Variants in PCDH15 observed in about 807,000 individuals in gnomAD.
PCDH15 encodes protocadherin related 15, also known as protocadherin-15.
PCDH15 carries 129 observed loss-of-function variants against 178.5 expected under a neutral mutation model. The ratio of observed to expected loss-of-function variants is 0.72; its 90% CI spans 0.63 to 0.84. The LOEUF is 0.84. Among genes scored for constraint, PCDH15 ranks in the 40% least tolerant of loss-of-function variants. PCDH15 has a pLI of 0.00. For synonymous variants in PCDH15, 800 were observed against 732.0 expected (o/e 1.09, Z -1.50); for missense variants, 2,230 against 2,099.9 (o/e 1.06, Z -1.21).
In PCDH15 at chr10:55,172,856, T is replaced by C. The variant is rs147996118; in HGVS notation, c.-155-6205A>G. On this transcript the variant is annotated intron_variant, in intron 1 of 5. Transcript: ENST00000458638. ...TGTATTTCTTTTAGATTGTCTCTGCTTGAGAAAGCTGTTATTAGAAAAAGG... is the reference window on the plus strand; with the variant it reads ...TGTATTTCTTTTAGATTGTCTCTGCCTGAGAAAGCTGTTATTAGAAAAAGG... Among the ~76,000 whole-genome samples the C allele has an allele frequency of 1.6e-4, 24 of 152,092 alleles. No homozygotes were observed. The East Asian group carries it at 3.9e-3, about 25-fold the overall frequency.
chr10:55,187,477 G>A (rs556742838), intron 1 of PCDH15, among the ~76,000 whole-genome samples: 3 of 152,018 alleles, frequency 2.0e-5, no homozygotes, highest in South Asian at 2.1e-4. Flanking sequence ...AAGGACCATC[G>A]TGTGTGAAAG....
upstream of PCDH15, among the ~76,000 whole-genome samples, chr10:55,322,237 T>C (rs1843919845): frequency 6.6e-6 from 1 of 152,182 alleles, no homozygotes; most frequent in Admixed American, 6.5e-5. Context: ...GCCTTTGCTT[T>C]TCTTTTGCCT....
chr10:54,056,900 G>A (rs2093903135), intron 18 of PCDH15, among the ~76,000 whole-genome samples: 1 of 152,098 alleles, frequency 6.6e-6, no homozygotes, highest in Non-Finnish European at 1.5e-5. Flanking sequence ...TTCCAAATGA[G>A]AGAAATTGGC....
At chr10:53,961,680 T>C (rs1312372123) in intron 22 of PCDH15, 72 bp downstream of exon 22, 3 of 1,150,652 alleles carry the variant, frequency 2.6e-6, no homozygotes, top group Non-Finnish European at 3.5e-6. Flanking sequence ...AAATGTGCTG[T>C]CATCTGTTAA....
At chr10:54,365,027 C>T (rs1290480425) in intron 5 of PCDH15, among the ~76,000 whole-genome samples, 3 of 152,090 alleles carry the variant, frequency 2.0e-5, no homozygotes, top group Non-Finnish European at 2.9e-5. Context: ...TCCAGTTCCT[C>T]TTCCCTTGCC....
chr10:54,107,887 G>A (rs985546033), intron 15 of PCDH15, among the ~76,000 whole-genome samples: 16 of 152,160 alleles, frequency 1.1e-4, no homozygotes, highest in African/African-American at 3.9e-4. Flanking sequence ...TGGAATGGGA[G>A]GTCAGAACCC....
At chr10:55,185,215 T>C (rs1011471442) in intron 1 of PCDH15, among the ~76,000 whole-genome samples, 6 of 151,858 alleles carry the variant, frequency 4.0e-5, no homozygotes, top group Non-Finnish European at 7.4e-5. Flanking sequence ...CCCAGAGATA[T>C]AGGACACCAA....
intron 26 of PCDH15, among the ~76,000 whole-genome samples, chr10:53,877,302 T>C (rs965053713): frequency 1.3e-5 from 2 of 152,180 alleles, no homozygotes; most frequent in South Asian, 2.1e-4. Flanking sequence ...GTTCTAACTT[T>C]TCAACCATGT....
At chr10:53,876,050 T>C (rs1471016395) in intron 26 of PCDH15, among the ~76,000 whole-genome samples, 1 of 152,114 alleles carries the variant, frequency 6.6e-6, no homozygotes, top group East Asian at 1.9e-4. Context: ...AGAGTGAAAG[T>C]GTTTTAGACT....
intron 8 of PCDH15, among the ~76,000 whole-genome samples, chr10:54,293,911 G>A (rs559921221): frequency 3.9e-5 from 6 of 152,236 alleles, no homozygotes; most frequent in African/African-American, 1.4e-4. Flanking sequence ...ACATTGTGGC[G>A]ATTTCTTAAG....
intron 3 of PCDH15, among the ~76,000 whole-genome samples, chr10:54,460,743 G>A (rs777066462): frequency 6.6e-6 from 1 of 152,066 alleles, no homozygotes; most frequent in Non-Finnish European, 1.5e-5. Flanking sequence ...CATTTAATGA[G>A]ATAAGGAAAA....
intron 1 of PCDH15, among the ~76,000 whole-genome samples, chr10:55,263,225 CT>C (rs1307678653): frequency 2.6e-5 from 4 of 152,156 alleles, no homozygotes; most frequent in Admixed American, 2.6e-4. Context: ...CCTAACCGGT[CT>C]GGTAAAAACT....
chr10:55,055,797 A>G (rs1188681217), intron 2 of PCDH15, among the ~76,000 whole-genome samples: 1 of 152,092 alleles, frequency 6.6e-6, no homozygotes, highest in Non-Finnish European at 1.5e-5. Flanking sequence ...TGACGGAGTG[A>G]GCCCCTGTCT....
chr10:54,229,160 G>A (rs745480378), intron 9 of PCDH15, among the ~76,000 whole-genome samples: 1 of 152,146 alleles, frequency 6.6e-6, no homozygotes, highest in Non-Finnish European at 1.5e-5. Context: ...CCATTCCTCT[G>A]CTAAAACAGC....
intron 26 of PCDH15, among the ~76,000 whole-genome samples, chr10:53,901,161 G>A (rs907114266): frequency 1.4e-4 from 15 of 106,672 alleles, no homozygotes; most frequent in South Asian, 3.6e-4. Context: ...CTTAGTCTTC[G>A]TATTTTTTTT....
In PCDH15 at chr10:53,904,856, ACTT is replaced by A. The variant is rs1382001471; in HGVS notation, c.3374-1489_3374-1487del. ...TTTAGAATATGTCACCTTTCCAATA[ACTT>A]CTTTGCACTTTCATTCAGAAACATA... is the stretch of plus-strand genomic sequence containing the variant. On this transcript the variant is annotated intron_variant, in intron 25 of 37. Transcript: ENST00000644397. Among the ~76,000 whole-genome samples the A allele has an allele frequency of 1.6e-4, 25 of 152,258 alleles. No individual in the cohort carries two copies. In the South Asian group the frequency reaches 1.9e-3, roughly 11 times the overall value.
chr10:53,893,775 T>A (rs1450842803), intron 26 of PCDH15, among the ~76,000 whole-genome samples: 1 of 152,102 alleles, frequency 6.6e-6, no homozygotes, highest in Non-Finnish European at 1.5e-5. Context: ...AATAATACAA[T>A]GAATTTTGGG....
intron 1 of PCDH15, among the ~76,000 whole-genome samples, chr10:54,757,012 A>ATTC: frequency 6.6e-6 from 1 of 151,196 alleles, no homozygotes; most frequent in Non-Finnish European, 1.5e-5. Flanking sequence ...GCAAGCTCCC[A>ATTC]ATTGGATTAC....
intron 2 of PCDH15, among the ~76,000 whole-genome samples, chr10:54,584,387 G>T (rs1160662481): frequency 6.6e-6 from 1 of 152,004 alleles, no homozygotes; most frequent in Admixed American, 6.6e-5. Context: ...AGGTGACAGA[G>T]CAAGACCCTG....
Sources: gnomAD v4.1 joint callset for allele counts (sites outside exome capture counted in the v4.1 genomes callset) on GRCh38, gnomAD v4.1.1 for gene constraint, MANE v1.5 for transcripts, NCBI Gene and HGNC (gene_info 2026-07-23, HGNC 2026-07-21) for gene names.